The following BMPER variants were observed in gnomAD, a reference collection of about 807,000 sequenced individuals.
BMPER encodes the protein BMP binding endothelial regulator.
Under a neutral mutation model 87.3 loss-of-function variants are expected in BMPER, and 45 were observed. The observed-to-expected ratio is 0.52, with a 90% CI of 0.41 to 0.66. The LOEUF (loss-of-function observed/expected upper bound fraction) is 0.66, where lower values mean the gene tolerates loss of function less well. Among genes scored for constraint, BMPER ranks in the 30% least tolerant of loss-of-function variants. The pLI, the probability that BMPER is intolerant of heterozygous loss-of-function variation, is 0.00. For missense variants in BMPER, 784 were observed against 867.5 expected (o/e 0.90, Z 1.21); for synonymous variants, 326 against 316.2 (o/e 1.03, Z -0.33).
chr7:34,056,837 C>G (rs771866272), intron 9 of BMPER, among the ~76,000 whole-genome samples: 1 of 152,086 alleles, frequency 6.6e-6, no homozygotes, highest in Non-Finnish European at 1.5e-5. Context: ...AGGCTGATCT[C>G]GAACTCCCGA....
chr7:34,112,618 AC>A (rs1214465098), intron 13 of BMPER, among the ~76,000 whole-genome samples: 5 of 152,046 alleles, frequency 3.3e-5, no homozygotes, highest in Non-Finnish European at 7.4e-5. Flanking sequence ...TTATTTTACA[AC>A]AATCAGGTCA....
At chr7:34,026,149 G>T (rs567721421) in intron 6 of BMPER, among the ~76,000 whole-genome samples, 1 of 152,184 alleles carries the variant, frequency 6.6e-6, no homozygotes, top group East Asian at 2.0e-4. Context: ...TGGTAATGGG[G>T]TTGAGACTGG....
chr7:34,147,308 G>T (rs1234564409), intron 14 of BMPER, among the ~76,000 whole-genome samples: 3 of 152,212 alleles, frequency 2.0e-5, no homozygotes, highest in African/African-American at 7.2e-5. Flanking sequence ...CCCATAGGGG[G>T]ATGTGGAGAT....
At chr7:34,052,006 A>T in intron 8 of BMPER, 36 bp downstream of exon 8, 1 of 1,558,108 alleles carries the variant, frequency 6.4e-7, no homozygotes, top group East Asian at 2.2e-5. Flanking sequence ...TCCAGCAATG[A>T]TAGGGTTTGG....
At position 34,086,017 on chromosome 7, in the gene BMPER, A is replaced by T; in HGVS notation, c.1670A>T (p.His557Leu). 1.2e-6 allele frequency: 2 copies of T among 1,614,154 alleles called. No homozygotes were observed. The highest frequency in any genetic ancestry group is 1.7e-6 in the Non-Finnish European group (2 of 1,180,036). ...ACAGTCAAGGTAAAGCTCCGGGCCC[A>T]TCGAGAATGCCAAAAGCTCAAATCC... The part of the protein sequence containing the change: ...QGTVKVKLRA[H>L]RECQKLKSWE... The change falls in exon 13 of 15, where the codon CAT becomes CTT. Residue 557 changes from histidine to leucine, a missense_variant. By Grantham distance (99) the His-to-Leu change is moderately conservative. Coordinates refer to ENST00000649409, the MANE Select transcript of BMPER (RefSeq NM_001365308.1).
chr7:34,038,756 T>G (rs912134503), intron 6 of BMPER, among the ~76,000 whole-genome samples: 17 of 152,194 alleles, frequency 1.1e-4, no homozygotes, highest in Non-Finnish European at 1.5e-5. Context: ...GCTATTTTTA[T>G]GGGATAAAAT....
chr7:34,005,648 T>C (rs1172770169), intron 6 of BMPER, among the ~76,000 whole-genome samples: 1 of 151,878 alleles, frequency 6.6e-6, no homozygotes, highest in African/African-American at 2.4e-5. Context: ...CAAGTGATTC[T>C]CCCACTTTGG....
chr7:33,938,877 T>G (rs1971741), intron 3 of BMPER, among the ~76,000 whole-genome samples: 45,496 of 151,876 alleles, frequency 0.3, 6,960 homozygotes, highest in Non-Finnish European at 0.34. Context: ...AATATAAAAA[T>G]TAGCCAGGTG....
intron 13 of BMPER, among the ~76,000 whole-genome samples, chr7:34,094,705 C>T (rs1161172603): frequency 2.0e-5 from 3 of 152,158 alleles, no homozygotes; most frequent in African/African-American, 7.2e-5. Flanking sequence ...GATTATTCCC[C>T]CATGTGTAAA....
chr7:33,905,702 A>C lies in BMPER; in HGVS notation c.89A>C (p.Asn30Thr), dbSNP rs367821838. ...ACGTGCTGCGTCTTGCTGCTACTCA[A>C]TTGCTCGGGGGTCCCCATGTCTCTG... ...GITCCVLLLL[N>T]CSGVPMSLAS... The change falls in exon 1 of 15, where the codon AAT becomes ACT. Residue 30 changes from asparagine to threonine, a missense_variant. Transcript: ENST00000649409. The C allele has an allele frequency of 6.4e-7, 1 of 1,551,710 alleles. No homozygotes were observed. Among genetic ancestry groups the C allele is most frequent in the Admixed American group, 1.7e-5 (1 of 58,060 alleles).
intron 6 of BMPER, among the ~76,000 whole-genome samples, chr7:33,979,978 G>A (rs561821256): frequency 6.6e-6 from 1 of 152,286 alleles, no homozygotes; most frequent in South Asian, 2.1e-4. Flanking sequence ...TGTACATCCT[G>A]GTTTCAGCTG....
At chr7:34,071,244 C>T (rs1265824800) in intron 11 of BMPER, among the ~76,000 whole-genome samples, 2 of 152,148 alleles carry the variant, frequency 1.3e-5, no homozygotes, top group Non-Finnish European at 1.5e-5. Flanking sequence ...TAACTATTTG[C>T]TAGACTTGCA....
chr7:34,019,949 G>GT (rs113364621), intron 6 of BMPER, among the ~76,000 whole-genome samples: 6,030 of 138,008 alleles, frequency 0.044, 131 homozygotes, highest in African/African-American at 0.067. Context: ...TTTTTAGAAG[G>GT]TTTTTTTTTT....
chr7:34,000,244 G>C (rs768195768), intron 6 of BMPER, among the ~76,000 whole-genome samples: 4 of 152,128 alleles, frequency 2.6e-5, no homozygotes, highest in Non-Finnish European at 5.9e-5. Context: ...ACATGTTTTA[G>C]TGTGGGAGTG....
intron 14 of BMPER, 44 bp from the exon 15 acceptor site, chr7:34,153,048 G>A (rs561604677): frequency 7.2e-5 from 116 of 1,609,352 alleles, no homozygotes; most frequent in East Asian, 3.3e-4. Flanking sequence ...TGAATTAATG[G>A]GGCCTTTCTC....
intron 6 of BMPER, among the ~76,000 whole-genome samples, chr7:33,983,284 A>G (rs1190980970): frequency 1.3e-5 from 2 of 152,116 alleles, no homozygotes; most frequent in Non-Finnish European, 2.9e-5. Context: ...TTCTTTATAT[A>G]ATTTGTTTGT....
intron 6 of BMPER, among the ~76,000 whole-genome samples, chr7:34,007,436 C>T (rs1786764352): frequency 6.6e-6 from 1 of 152,008 alleles, no homozygotes; most frequent in Non-Finnish European, 1.5e-5. Flanking sequence ...TCTTAAATTT[C>T]TCTGGAGGTA....
intron 6 of BMPER, among the ~76,000 whole-genome samples, chr7:34,017,006 G>A (rs796221720): frequency 6.6e-5 from 10 of 151,970 alleles, no homozygotes; most frequent in African/African-American, 2.4e-4. Flanking sequence ...CTGAGTTTGG[G>A]TGAAGCATGG....
chr7:33,964,394 A>G lies in BMPER; in HGVS notation c.320-2085A>G, dbSNP rs1473310613. Among the ~76,000 whole-genome samples the G allele has an allele frequency of 2.6e-5, 4 of 152,224 alleles. No individual in the cohort carries two copies. The East Asian group carries it at 7.7e-4, about 29-fold the overall frequency. ...CATCCATCATTTGAGAAGGTTTGTT[A>G]TATGGACTCAGATGTGATAGAATGA... On this transcript the variant is annotated intron_variant, in intron 3 of 14. Transcript: ENST00000649409.
Sources: gnomAD v4.1 joint callset for allele counts (sites outside exome capture counted in the v4.1 genomes callset) on GRCh38, gnomAD v4.1.1 for gene constraint, MANE v1.5 for transcripts, NCBI Gene and HGNC (gene_info 2026-07-23, HGNC 2026-07-21) for gene names.